The following SMYD3 variants were observed in gnomAD, a reference collection of about 807,000 sequenced individuals.
SMYD3 encodes the protein histone-lysine N-methyltransferase SMYD3.
A neutral mutation model predicts 57.7 loss-of-function variants in SMYD3; 36 were observed. The ratio of observed to expected loss-of-function variants is 0.62; its 90% CI spans 0.48 to 0.82. The LOEUF (loss-of-function observed/expected upper bound fraction) is 0.82. SMYD3 is among the 40% of genes least tolerant of loss of function. SMYD3 has a pLI of 0.00. For synonymous variants in SMYD3, 211 were observed against 195.0 expected (o/e 1.08, Z -0.68); for missense variants, 515 against 538.8 (o/e 0.96, Z 0.44).
At position 245,929,905 on chromosome 1, in the gene SMYD3, C is replaced by A. The variant is rs774520817; in HGVS notation, c.564G>T (p.Ala188=). 1 of 1,613,806 alleles carries A rather than the reference C, an allele frequency of 6.2e-7. No individual in the cohort carries two copies. The highest frequency in any genetic ancestry group is 1.3e-5 in the African/African-American group (1 of 75,014). Residue 188 remains alanine, a synonymous_variant, in exon 6 of 12, where the codon GCG becomes GCT. Coordinates refer to ENST00000490107, the MANE Select transcript of SMYD3 (RefSeq NM_001167740.2). ...VICNSFTICN[A]EMQEVGVGLY... is the part of the protein sequence containing the mutation. ...GGCCAACACCAACTTCCTGCATCTC[C>A]GCATTACAGATGGTGAAAGAGTTGC...
At chr1:246,482,448 C>T (rs1025702856) in intron 1 of SMYD3, among the ~76,000 whole-genome samples, 2 of 148,544 alleles carry the variant, frequency 1.3e-5, no homozygotes, top group African/African-American at 5.3e-5. Context: ...TGGTATTACC[C>T]CAGATTTTTT....
At chr1:246,303,351 T>C (rs1169299204) in intron 5 of SMYD3, among the ~76,000 whole-genome samples, 1 of 152,176 alleles carries the variant, frequency 6.6e-6, no homozygotes, top group East Asian at 1.9e-4. Context: ...ACTAAGATCA[T>C]ACATTCCTCC....
intron 8 of SMYD3, among the ~76,000 whole-genome samples, chr1:245,877,761 C>T (rs999093878): frequency 2.6e-5 from 4 of 152,140 alleles, no homozygotes; most frequent in African/African-American, 7.2e-5. Context: ...AGGAAAGGGA[C>T]GTTCGCTTTT....
rs114773259 is a variant in SMYD3, at chr1:246,352,177, A to G, written c.228+2854T>C. 6.3e-3 allele frequency among the ~76,000 whole-genome samples: 936 copies of G among 148,502 alleles called. 16 individuals carry two copies. The highest frequency in any genetic ancestry group is 0.021 in the African/African-American group (856 of 39,922). On this transcript the variant is annotated intron_variant, in intron 2 of 11. Coordinates refer to ENST00000490107, the MANE Select transcript of SMYD3 (RefSeq NM_001167740.2). ...AAAAAAAAAAAACATAAAGAAAGAAATGTGAATACCAATAGCACTGACACC... is the reference window on the plus strand; with the variant it reads ...AAAAAAAAAAAACATAAAGAAAGAAGTGTGAATACCAATAGCACTGACACC...
chr1:246,241,275 T>A (rs1042573782), intron 5 of SMYD3, among the ~76,000 whole-genome samples: 7 of 152,218 alleles, frequency 4.6e-5, no homozygotes, highest in African/African-American at 1.4e-4. Flanking sequence ...CATCAATGCC[T>A]AGTTTATTGA....
intron 5 of SMYD3, among the ~76,000 whole-genome samples, chr1:245,943,209 GTTT>G (rs58081595): frequency 3.6e-4 from 42 of 115,350 alleles, no homozygotes; most frequent in African/African-American, 7.6e-4. Context: ...CAGGGGCTGA[GTTT>G]TTTTTTTTTT....
chr1:245,918,179 A>T (rs2055585501), intron 7 of SMYD3, among the ~76,000 whole-genome samples: 1 of 152,204 alleles, frequency 6.6e-6, no homozygotes, highest in Non-Finnish European at 1.5e-5. Context: ...CCACACACAG[A>T]AACAAGAATA....
At chr1:245,862,770 C>G (rs988391953) in intron 9 of SMYD3, among the ~76,000 whole-genome samples, 4 of 152,180 alleles carry the variant, frequency 2.6e-5, no homozygotes, top group Non-Finnish European at 4.4e-5. Context: ...TCTAAAGTCT[C>G]GATACAAACT....
intron 2 of SMYD3, among the ~76,000 whole-genome samples, chr1:246,350,042 T>C (rs1273687985): frequency 6.6e-6 from 1 of 152,186 alleles, no homozygotes; most frequent in Non-Finnish European, 1.5e-5. Flanking sequence ...CCATTTTACA[T>C]ATAAATAGAT....
intron 5 of SMYD3, among the ~76,000 whole-genome samples, chr1:246,311,036 A>T (rs938736047): frequency 1.3e-4 from 20 of 152,238 alleles, no homozygotes; most frequent in Admixed American, 3.9e-4. Flanking sequence ...TGACCTATGG[A>T]ATGATCACAC....
At chr1:245,925,697 T>TCAAATGCCTCCTGGATGCAAAGCTAA (rs2056324705) in intron 7 of SMYD3, among the ~76,000 whole-genome samples, 1 of 152,172 alleles carries the variant, frequency 6.6e-6, no homozygotes, top group Non-Finnish European at 1.5e-5. Context: ...CAAAAAGTTA[T>TCAAATGCCTCCTGGATGCAAAGCTAA]CAAATGCCTC....
intron 1 of SMYD3, among the ~76,000 whole-genome samples, chr1:246,466,834 T>A (rs1460688357): frequency 6.6e-6 from 1 of 151,706 alleles, no homozygotes; most frequent in African/African-American, 2.4e-5. Flanking sequence ...GGCAACAGAG[T>A]GAGGCCCTGT....
At chr1:246,002,228 A>T (rs1253429972) in intron 5 of SMYD3, among the ~76,000 whole-genome samples, 1 of 148,788 alleles carries the variant, frequency 6.7e-6, no homozygotes, top group African/African-American at 2.5e-5. Flanking sequence ...TCCGTCACCC[A>T]GGCTGGAGTG....
Position 245,990,157 on chromosome 1 carries a change from CT to C in SMYD3, c.532-60221del, listed in dbSNP as rs558950135. Among the ~76,000 whole-genome samples the C allele has an allele frequency of 7.9e-5, 12 of 152,306 alleles. No homozygotes were observed. The South Asian group carries it at 2.5e-3, about 32-fold the overall frequency. On this transcript the variant is annotated intron_variant, in intron 5 of 11. Transcript: ENST00000490107. ...TGATCATGGCTCACTGCAACCTTGA[CT>C]TCCTGGGCTAAAGTGATCCTCCCGC...
chr1:246,454,919 T>C (rs1298626958), intron 1 of SMYD3, among the ~76,000 whole-genome samples: 2 of 152,178 alleles, frequency 1.3e-5, no homozygotes, highest in Non-Finnish European at 2.9e-5. Context: ...AGTACTGTAA[T>C]AAAAGCCACA....
At chr1:246,029,214 T>C (rs538168849) in intron 5 of SMYD3, among the ~76,000 whole-genome samples, 1 of 152,208 alleles carries the variant, frequency 6.6e-6, no homozygotes, top group Admixed American at 6.5e-5. Flanking sequence ...AATGGCACTA[T>C]ATTAAACTAA....
intron 1 of SMYD3, among the ~76,000 whole-genome samples, chr1:246,472,854 T>C (rs113228345): frequency 1.8e-5 from 1 of 57,040 alleles, no homozygotes; most frequent in African/African-American, 7.1e-5. Context: ...CTCAAATTTC[T>C]TTTTTTTTTT....
At chr1:245,954,348 A>C (rs1416439249) in intron 5 of SMYD3, among the ~76,000 whole-genome samples, 1 of 152,186 alleles carries the variant, frequency 6.6e-6, no homozygotes, top group African/African-American at 2.4e-5. Flanking sequence ...GGAACAGGCC[A>C]AAGAAAAACA....
intron 5 of SMYD3, among the ~76,000 whole-genome samples, chr1:245,981,756 A>G (rs191115921): frequency 1.3e-5 from 2 of 152,392 alleles, no homozygotes; most frequent in African/African-American, 2.4e-5. Flanking sequence ...TCTGGCTCCA[A>G]TAAAGTTGTT....
Sources: allele counts gnomAD v4.1 joint callset (sites outside exome capture counted in the v4.1 genomes callset), GRCh38; gene constraint gnomAD v4.1.1; transcripts MANE v1.5; gene names NCBI Gene and HGNC (gene_info 2026-07-23, HGNC 2026-07-21).